Variants in COL5A2 observed in about 807,000 individuals in gnomAD.
COL5A2 encodes collagen type V alpha 2 chain.
COL5A2 carries 23 observed loss-of-function variants against 208.2 expected under a neutral mutation model. That is an observed-to-expected ratio of 0.11 (90% CI 0.08 to 0.16). The LOEUF is 0.16. Ranked by LOEUF, COL5A2 falls within the 10% of genes least tolerant of loss-of-function variation. COL5A2 has a pLI of 1.00. For missense variants in COL5A2, 1,590 were observed against 1,956.4 expected, an observed-to-expected ratio of 0.81 and a Z score of 3.53; for synonymous variants, 625 against 628.5, an observed-to-expected ratio of 0.99 and a Z score of 0.08.
the COL5A2 span, among the ~76,000 whole-genome samples, chr2:189,273,276 T>C: frequency 6.6e-6 from 1 of 152,122 alleles, no homozygotes; most frequent in African/African-American, 2.4e-5. Flanking sequence ...GGGCATTACT[T>C]TCCTCAAATG....
At chr2:189,165,287 G>A (rs1209933577) in intron 1 of COL5A2, among the ~76,000 whole-genome samples, 2 of 151,916 alleles carry the variant, frequency 1.3e-5, no homozygotes, top group Non-Finnish European at 2.9e-5. Context: ...CCTGCCCAAA[G>A]GGAAAAACAT....
At chr2:189,200,437 A>G (rs2105856242) in intron 1 of COL5A2, among the ~76,000 whole-genome samples, 1 of 151,162 alleles carries the variant, frequency 6.6e-6, no homozygotes, top group South Asian at 2.1e-4. Context: ...CTTCAAAATT[A>G]TAATTTTTCC....
At chr2:189,237,267 AT>A in the COL5A2 span, among the ~76,000 whole-genome samples, 1 of 151,516 alleles carries the variant, frequency 6.6e-6, no homozygotes, top group African/African-American at 2.4e-5. Context: ...ATTTGTTAGT[AT>A]TTTTTTAGAA....
At chr2:189,299,083 T>C in the COL5A2 span, among the ~76,000 whole-genome samples, 1 of 152,208 alleles carries the variant, frequency 6.6e-6, no homozygotes, top group Non-Finnish European at 1.5e-5. Context: ...GTATTTTGCT[T>C]TGTTTTTCTA....
At chr2:189,065,310 A>C in intron 23 of COL5A2, among the ~76,000 whole-genome samples, 1 of 152,290 alleles carries the variant, frequency 6.6e-6, no homozygotes, top group African/African-American at 2.4e-5. Context: ...CAGGCAGATC[A>C]CCTGAGGTCA....
chr2:189,428,789 G>T, the COL5A2 span, among the ~76,000 whole-genome samples: 4 of 152,140 alleles, frequency 2.6e-5, no homozygotes, highest in African/African-American at 9.7e-5. Context: ...AGAACCATGA[G>T]CCAATTAAAC....
At chr2:189,132,262 A>G (rs559343060) in intron 1 of COL5A2, among the ~76,000 whole-genome samples, 26 of 152,322 alleles carry the variant, frequency 1.7e-4, no homozygotes, top group African/African-American at 6.0e-4. Flanking sequence ...AAATAACAGT[A>G]TCATTTTGGT....
At chr2:189,256,571 T>A in the COL5A2 span, among the ~76,000 whole-genome samples, 1 of 152,164 alleles carries the variant, frequency 6.6e-6, no homozygotes, top group Non-Finnish European at 1.5e-5. Context: ...TATAACTGGG[T>A]GGGTAAGGCT....
chr2:189,066,544 T>A, intron 22 of COL5A2, 47 bp from the exon 23 acceptor site: 1 of 1,566,592 alleles, frequency 6.4e-7, no homozygotes, highest in Non-Finnish European at 8.8e-7. Context: ...ATCCAACCAG[T>A]GAATTATAGT....
At chr2:189,074,200 G>C (rs555003976) in intron 17 of COL5A2, among the ~76,000 whole-genome samples, 2 of 152,118 alleles carry the variant, frequency 1.3e-5, no homozygotes, top group South Asian at 4.2e-4. Context: ...TGGTCATAAA[G>C]TTCCTATGTT....
In COL5A2 at chr2:189,033,530, A is replaced by G. The variant is rs1200343532; in HGVS notation, c.*540T>C. 6.2e-6 allele frequency: 1 copy of G among 161,634 alleles called. No homozygotes were observed. 10.0% of individuals were successfully genotyped at this position (161,634 alleles called of 1,614,324 possible). A position where few individuals can be genotyped will look rare whatever the true frequency, so the allele number is the denominator to read the frequency against. ...AAAGAGTCTCTATTATAGTTACACA[A>G]TATCAAGACATGCATGTAGGTCTCG... On this transcript the variant is annotated 3_prime_UTR_variant, in exon 54 of 54. Coordinates refer to ENST00000374866, the MANE Select transcript of COL5A2 (RefSeq NM_000393.5).
At chr2:189,401,836 T>A in the COL5A2 span, among the ~76,000 whole-genome samples, 2 of 152,232 alleles carry the variant, frequency 1.3e-5, no homozygotes, top group Non-Finnish European at 2.9e-5. Flanking sequence ...GTTGAGCTTT[T>A]TTTCATGTTT....
chr2:189,052,924 G>A lies in COL5A2; in HGVS notation c.2648C>T (p.Ser883Phe). 1 of 1,614,038 alleles carries A rather than the reference G, an allele frequency of 6.2e-7. No individual in the cohort carries two copies. The highest frequency in any genetic ancestry group is 1.1e-5 in the South Asian group (1 of 91,064). The change falls in exon 39 of 54, where the codon TCC becomes TTC. Residue 883 changes from serine to phenylalanine, a missense_variant. Transcript: ENST00000374866. ...TTGTTAACTTACATGAGGGCCAGGGGATCCTGCTAAACCTTGTGGTCCAGG... is the reference window on the plus strand; with the variant it reads ...TTGTTAACTTACATGAGGGCCAGGGAATCCTGCTAAACCTTGTGGTCCAGG... ...GSPGPQGLAGSPGPHGPNGVP... is the reference protein window; with the variant it reads ...GSPGPQGLAGFPGPHGPNGVP...
the COL5A2 span, among the ~76,000 whole-genome samples, chr2:189,352,952 A>C: frequency 6.6e-6 from 1 of 152,086 alleles, no homozygotes; most frequent in East Asian, 1.9e-4. Flanking sequence ...ATCCATCTTG[A>C]GTTAATTTTT....
the COL5A2 span, among the ~76,000 whole-genome samples, chr2:189,395,245 G>C: frequency 3.3e-5 from 5 of 152,028 alleles, no homozygotes; most frequent in East Asian, 5.8e-4. Context: ...TCCCTTTCGT[G>C]GTCTTTTGGA....
chr2:189,237,142 C>G, the COL5A2 span, among the ~76,000 whole-genome samples: 1 of 151,624 alleles, frequency 6.6e-6, no homozygotes, highest in Non-Finnish European at 1.5e-5. Context: ...TAGAGGTTTA[C>G]TGTTTACCTC....
the COL5A2 span, among the ~76,000 whole-genome samples, chr2:189,276,046 C>T: frequency 6.6e-6 from 1 of 152,114 alleles, no homozygotes; most frequent in African/African-American, 2.4e-5. Flanking sequence ...GAAATTTTCA[C>T]TTTTTAGGTC....
At chr2:189,330,531 G>A in the COL5A2 span, among the ~76,000 whole-genome samples, 2 of 152,170 alleles carry the variant, frequency 1.3e-5, no homozygotes, top group Admixed American at 1.3e-4. Flanking sequence ...AGAGCGGAGA[G>A]CAAAGAAAAT....
chr2:189,107,862 C>G (rs1296285226), intron 2 of COL5A2, among the ~76,000 whole-genome samples: 1 of 151,494 alleles, frequency 6.6e-6, no homozygotes, highest in Non-Finnish European at 1.5e-5. Flanking sequence ...CTATTAGTTC[C>G]ACTAAAATGA....
Sources: gnomAD v4.1 joint callset for allele counts (sites outside exome capture counted in the v4.1 genomes callset) on GRCh38, gnomAD v4.1.1 for gene constraint, MANE v1.5 for transcripts, NCBI Gene and HGNC (gene_info 2026-07-23, HGNC 2026-07-21) for gene names.